The following KCNH5 variants were observed in gnomAD, a reference collection of about 807,000 sequenced individuals.
KCNH5 encodes the protein voltage-gated delayed rectifier potassium channel KCNH5.
KCNH5 carries 46 observed loss-of-function variants against 96.1 expected under a neutral mutation model. The ratio of observed to expected loss-of-function variants is 0.48; its 90% CI spans 0.38 to 0.61. KCNH5 has a LOEUF of 0.61. Ranked by LOEUF, KCNH5 falls within the 20% of genes least tolerant of loss-of-function variation. The pLI, the probability that KCNH5 is intolerant of heterozygous loss-of-function variation, is 0.00. For missense variants in KCNH5, 907 were observed against 1,225.8 expected (o/e 0.74, Z 3.88); for synonymous variants, 439 against 449.8 (o/e 0.98, Z 0.30).
chr14:63,044,865 C>G (rs1891892699), intron 1 of KCNH5, among the ~76,000 whole-genome samples: 1 of 152,214 alleles, frequency 6.6e-6, no homozygotes, highest in Admixed American at 6.5e-5. Context: ...TTTCTTTCCT[C>G]CAGTTCTGGG....
chr14:63,033,597 C>G (rs1053792481), intron 1 of KCNH5, among the ~76,000 whole-genome samples: 4 of 152,146 alleles, frequency 2.6e-5, no homozygotes, highest in Admixed American at 6.5e-5. Flanking sequence ...CCTCCCCTAC[C>G]AGACTCTGAG....
rs2139898274 is a variant in KCNH5, at chr14:62,707,559, A to G, written c.2916T>C (p.Ser972=). ...ATTCAGGTGATTCAGGCCTTGAGAC[A>G]CTAAAAATATCCTGACATGGTATCT... ...PPQIPCQDIF[S]VSRPESPESD... Residue 972 remains serine (S), a synonymous_variant, in exon 11 of 11, where the codon AGT becomes AGC. Coordinates refer to ENST00000322893, the MANE Select transcript of KCNH5 (RefSeq NM_139318.5). The G allele has an allele frequency of 6.6e-7, 1 of 1,504,756 alleles. No individual in the cohort carries two copies. The highest frequency in any genetic ancestry group is 8.9e-7 in the Non-Finnish European group (1 of 1,127,100). 93.2% of individuals were successfully genotyped at this position (1,504,756 alleles called of 1,614,324 possible). A position where few individuals can be genotyped will look rare whatever the true frequency, so the allele number is the denominator to read the frequency against.
chr14:62,728,036 A>G (rs1884970332), intron 10 of KCNH5, among the ~76,000 whole-genome samples: 2 of 150,280 alleles, frequency 1.3e-5, no homozygotes, highest in East Asian at 1.9e-4. Flanking sequence ...ATGCTTATCA[A>G]TAGTCAGTTA....
chr14:62,858,647 A>C (rs1226380367), intron 7 of KCNH5, among the ~76,000 whole-genome samples: 1 of 152,172 alleles, frequency 6.6e-6, no homozygotes, highest in African/African-American at 2.4e-5. Context: ...AGGTCAGCAG[A>C]ATGTAATATC....
intron 7 of KCNH5, among the ~76,000 whole-genome samples, chr14:62,897,036 C>T (rs776250576): frequency 2.6e-5 from 4 of 152,166 alleles, no homozygotes; most frequent in Non-Finnish European, 5.9e-5. Context: ...CGCTCTTCAG[C>T]AACTGAGAAA....
chr14:62,922,302 A>T (rs561390243), intron 7 of KCNH5, among the ~76,000 whole-genome samples: 1 of 152,070 alleles, frequency 6.6e-6, no homozygotes, highest in South Asian at 2.1e-4. Flanking sequence ...ATGCACAAAG[A>T]TATGTCAAGG....
chr14:62,889,670 C>T (rs1888665416), intron 7 of KCNH5, among the ~76,000 whole-genome samples: 2 of 152,174 alleles, frequency 1.3e-5, no homozygotes, highest in Non-Finnish European at 2.9e-5. Flanking sequence ...CTCTGACATT[C>T]AGACTACTTC....
intron 10 of KCNH5, among the ~76,000 whole-genome samples, chr14:62,761,996 AAC>A (rs539958891): frequency 1.1e-3 from 162 of 152,254 alleles, no homozygotes; most frequent in Middle Eastern, 6.8e-3. Flanking sequence ...AGGTGAGTTA[AAC>A]AGGTGTGGAG....
At chr14:62,746,869 T>A (rs1885386608) in intron 10 of KCNH5, among the ~76,000 whole-genome samples, 1 of 152,240 alleles carries the variant, frequency 6.6e-6, no homozygotes, top group Non-Finnish European at 1.5e-5. Context: ...ATCAGTGGCC[T>A]CTCTTTATTA....
At chr14:62,748,252 G>C (rs937872291) in intron 10 of KCNH5, among the ~76,000 whole-genome samples, 5 of 152,178 alleles carry the variant, frequency 3.3e-5, no homozygotes, top group African/African-American at 4.8e-5. Context: ...TATATGGGGA[G>C]ATATAGTCTG....
intron 2 of KCNH5, among the ~76,000 whole-genome samples, chr14:63,013,459 T>C (rs553449357): frequency 1.3e-5 from 2 of 152,288 alleles, no homozygotes; most frequent in Admixed American, 6.5e-5. Context: ...TTAAATTATT[T>C]ACAAGGATAT....
intron 6 of KCNH5, among the ~76,000 whole-genome samples, chr14:62,951,092 G>GT (rs1889996796): frequency 8.5e-5 from 13 of 152,126 alleles, no homozygotes; most frequent in Admixed American, 5.9e-4. Flanking sequence ...AAATACCATT[G>GT]TTGGCCCCAC....
chr14:62,959,714 T>C (rs1227710584), intron 6 of KCNH5, among the ~76,000 whole-genome samples: 2 of 152,170 alleles, frequency 1.3e-5, no homozygotes, highest in Non-Finnish European at 2.9e-5. Flanking sequence ...TTGAAACTTG[T>C]TCTGAATCAG....
chr14:62,986,720 T>C (rs924346053), intron 5 of KCNH5, among the ~76,000 whole-genome samples: 2 of 152,148 alleles, frequency 1.3e-5, no homozygotes, highest in Non-Finnish European at 2.9e-5. Context: ...ACAGGGCCCA[T>C]TTCTTATTTA....
chr14:62,936,848 G>A (rs560546063), intron 7 of KCNH5, among the ~76,000 whole-genome samples: 4 of 151,934 alleles, frequency 2.6e-5, no homozygotes, highest in African/African-American at 9.7e-5. Context: ...AGGCGTGGTG[G>A]CACATGCCTG....
intron 9 of KCNH5, among the ~76,000 whole-genome samples, chr14:62,787,230 G>T (rs1886337729): frequency 6.6e-6 from 1 of 152,136 alleles, no homozygotes; most frequent in Non-Finnish European, 1.5e-5. Flanking sequence ...AAATGAAACA[G>T]ACCTACTGCT....
chr14:62,765,321 T>C (rs936923830), intron 10 of KCNH5, among the ~76,000 whole-genome samples: 29 of 152,228 alleles, frequency 1.9e-4, no homozygotes, highest in African/African-American at 7.0e-4. Flanking sequence ...GCTAGCCATA[T>C]GCAGAAGACT....
intron 7 of KCNH5, among the ~76,000 whole-genome samples, chr14:62,923,802 A>G (rs1252873458): frequency 1.3e-5 from 2 of 151,968 alleles, no homozygotes; most frequent in Non-Finnish European, 2.9e-5. Flanking sequence ...ATCTCACATC[A>G]TATCCAAAAA....
At position 63,045,243 on chromosome 14, in the gene KCNH5, AAAG is replaced by A; in HGVS notation, c.-60_-58del. The A allele has an allele frequency of 1.5e-6, 2 of 1,323,398 alleles. No individual in the cohort carries two copies. Among genetic ancestry groups the A allele is most frequent in the Admixed American group, 1.7e-5 (1 of 59,572 alleles). The allele number at this position is 1,323,398 out of a possible 1,614,324, so 82.0% of individuals were successfully genotyped here. On this transcript the variant is annotated 5_prime_UTR_variant, in exon 1 of 11. Coordinates refer to ENST00000322893, the MANE Select transcript of KCNH5 (RefSeq NM_139318.5). Reference sequence around the variant, plus strand: ...CGGCGGGGGAGGGGGGGATGCAGGCAAAGAAGGTGGAGGAAGAGGAGGAAAAGG... The same window carrying A: ...CGGCGGGGGAGGGGGGGATGCAGGCAAAGGTGGAGGAAGAGGAGGAAAAGG...
Sources: gnomAD v4.1 joint callset for allele counts (sites outside exome capture counted in the v4.1 genomes callset) on GRCh38, gnomAD v4.1.1 for gene constraint, MANE v1.5 for transcripts, NCBI Gene and HGNC (gene_info 2026-07-23, HGNC 2026-07-21) for gene names.